The following SMCHD1 variants were observed in gnomAD, a reference collection of about 807,000 sequenced individuals.
SMCHD1 encodes structural maintenance of chromosomes flexible hinge domain containing 1, also known as structural maintenance of chromosomes flexible hinge domain-containing protein 1.
In SMCHD1, 78 loss-of-function variants were observed where a neutral mutation model predicts 254.7. That is an observed-to-expected ratio of 0.31 (90% CI 0.26 to 0.37). The LOEUF is 0.37. SMCHD1 is among the 10% of genes least tolerant of loss of function. The pLI, the probability that SMCHD1 is intolerant of heterozygous loss-of-function variation, is 1.00. For missense variants in SMCHD1, 1,840 were observed against 2,408.1 expected, an observed-to-expected ratio of 0.76 and a Z score of 4.94; for synonymous variants, 766 against 794.9, an observed-to-expected ratio of 0.96 and a Z score of 0.61.
intron 19 of SMCHD1, among the ~76,000 whole-genome samples, chr18:2,721,149 A>G (rs2074917854): frequency 6.6e-6 from 1 of 152,172 alleles, no homozygotes; most frequent in Non-Finnish European, 1.5e-5. Context: ...GGCGTCTGAT[A>G]ACGGTGAATC....
At chr18:2,759,811 C>G (rs767542078) in intron 34 of SMCHD1, among the ~76,000 whole-genome samples, 9 of 152,008 alleles carry the variant, frequency 5.9e-5, no homozygotes, top group Admixed American at 5.9e-4. Context: ...CTCAAGTGAT[C>G]CGCCTGCCTC....
At chr18:2,693,236 T>C (rs374715158) in intron 7 of SMCHD1, among the ~76,000 whole-genome samples, 9 of 152,222 alleles carry the variant, frequency 5.9e-5, no homozygotes, top group African/African-American at 2.2e-4. Context: ...AGTTTTATAA[T>C]GTATATAGCA....
At chr18:2,707,756 T>TA in intron 16 of SMCHD1, 51 bp from the exon 17 acceptor site, 1 of 1,528,226 alleles carries the variant, frequency 6.5e-7, no homozygotes. Context: ...ATTTGGCAGA[T>TA]TCAGCAAATT....
intron 24 of SMCHD1, among the ~76,000 whole-genome samples, 198 bp downstream of exon 24, chr18:2,729,607 T>C (rs1270166630): frequency 6.6e-6 from 1 of 152,204 alleles, no homozygotes; most frequent in Non-Finnish European, 1.5e-5. Context: ...TTAGTAATTG[T>C]CTTGATTTTT....
intron 37 of SMCHD1, among the ~76,000 whole-genome samples, chr18:2,768,232 G>T (rs1331337000): frequency 1.3e-5 from 2 of 151,866 alleles, no homozygotes; most frequent in Non-Finnish European, 2.9e-5. Context: ...TAATGGAAAA[G>T]AAAATATAAA....
At chr18:2,773,280 A>G (rs992144305) in intron 41 of SMCHD1, among the ~76,000 whole-genome samples, 21 of 152,198 alleles carry the variant, frequency 1.4e-4, no homozygotes, top group African/African-American at 4.6e-4. Flanking sequence ...TATTATTCCA[A>G]TTTTTAGAAA....
chr18:2,674,021 G>A lies in SMCHD1; in HGVS notation c.514G>A (p.Asp172Asn). Residue 172 changes from aspartate (D) to asparagine (N), a missense_variant, in exon 5 of 48, where the codon GAT (aspartate) becomes AAT (asparagine). Asp to Asn is a conservative substitution (Grantham distance 23). Transcript: ENST00000320876. ...VRRIQIKLLF[D>N]ETQGKPAVAV... ...AACTTATTTTGTTTCATAGCTTTTT[G>A]ATGAAACACAAGGAAAACCTGCTGT... is the stretch of plus-strand genomic sequence containing the variant. The A allele has an allele frequency of 6.3e-7, 1 of 1,581,264 alleles. No homozygotes were observed. The highest frequency in any genetic ancestry group is 8.6e-7 in the Non-Finnish European group (1 of 1,164,722).
At chr18:2,708,393 G>A (rs916274647) in intron 17 of SMCHD1, among the ~76,000 whole-genome samples, 3 of 152,050 alleles carry the variant, frequency 2.0e-5, no homozygotes, top group African/African-American at 7.2e-5. Context: ...GCTGGGCTTG[G>A]TGGCACGAGC....
At chr18:2,729,514 G>T in intron 24 of SMCHD1, 105 bp downstream of exon 24, 1 of 761,540 alleles carries the variant, frequency 1.3e-6, no homozygotes. Flanking sequence ...CTGAAAATGA[G>T]GTATTTGTGG....
intron 44 of SMCHD1, among the ~76,000 whole-genome samples, chr18:2,780,213 C>T (rs927400832): frequency 4.1e-5 from 5 of 122,072 alleles, no homozygotes; most frequent in African/African-American, 1.3e-4. Flanking sequence ...CACTCCAGTC[C>T]GGGGTGACAG....
Position 2,763,644 on chromosome 18 carries a change from A to G in SMCHD1, c.4574A>G (p.Tyr1525Cys), listed in dbSNP as rs2075822463. The change falls in exon 37 of 48, where the codon TAC becomes TGC. Residue 1525 changes from tyrosine (Y) to cysteine (C), a missense_variant. This residue lies in a region of SMCHD1 where 881 missense variants were observed against 1,009.5 expected (regional missense o/e 0.87). Coordinates refer to ENST00000320876, the MANE Select transcript of SMCHD1 (RefSeq NM_015295.3). Reference sequence around the variant, plus strand: ...TCCATTTTTTGTTTTAAGGATGACTACGACAACCATACTGGAATTGATTTG... The same window carrying G: ...TCCATTTTTTGTTTTAAGGATGACTGCGACAACCATACTGGAATTGATTTG... ...RDLHLSITDD[Y>C]DNHTGIDLVG... 2 of 1,570,624 alleles carry G rather than the reference A, an allele frequency of 1.3e-6. No homozygotes were observed. The highest frequency in any genetic ancestry group is 8.6e-7 in the Non-Finnish European group (1 of 1,164,966).
intron 17 of SMCHD1, among the ~76,000 whole-genome samples, chr18:2,713,369 T>A (rs545144302): frequency 1.3e-5 from 2 of 152,332 alleles, no homozygotes; most frequent in Non-Finnish European, 2.9e-5. Flanking sequence ...ACCCTTTTTT[T>A]AAAGCAAATA....
intron 3 of SMCHD1, 84 bp from the exon 4 acceptor site, chr18:2,673,197 A>G: frequency 6.9e-7 from 1 of 1,445,960 alleles, no homozygotes; most frequent in Non-Finnish European, 9.2e-7. Flanking sequence ...GCTTTAAGGT[A>G]CTTGATAGTT....
intron 7 of SMCHD1, among the ~76,000 whole-genome samples, chr18:2,692,407 C>A (rs549764250): frequency 6.6e-6 from 1 of 152,168 alleles, no homozygotes; most frequent in Non-Finnish European, 1.5e-5. Flanking sequence ...CAAATATTAT[C>A]CGTAAACCTT....
chr18:2,673,952 C>T, intron 4 of SMCHD1, 63 bp from the exon 5 acceptor site: 1 of 1,465,864 alleles, frequency 6.8e-7, no homozygotes, highest in African/African-American at 1.4e-5. Context: ...TCATGTTTAA[C>T]TTTTCATGTT....
intron 45 of SMCHD1, 148 bp from the exon 46 acceptor site, chr18:2,795,801 A>G: frequency 1.8e-6 from 1 of 549,764 alleles, no homozygotes; most frequent in South Asian, 3.0e-5. Context: ...TTTTTATTTC[A>G]TTTGTTTATA....
chr18:2,796,354 A>C, intron 46 of SMCHD1, 53 bp from the exon 47 acceptor site: 1 of 1,154,778 alleles, frequency 8.7e-7, no homozygotes, highest in East Asian at 2.6e-5. Context: ...GCATTTCTCT[A>C]ATTCCATTGT....
At chr18:2,756,810 C>T (rs142194040) in intron 34 of SMCHD1, among the ~76,000 whole-genome samples, 517 of 152,224 alleles carry the variant, frequency 3.4e-3, no homozygotes, top group South Asian at 0.017. Context: ...AATAGGCTGT[C>T]AGACTATTAA....
chr18:2,743,729 C>G (rs950723778), intron 28 of SMCHD1, 32 bp from the exon 29 acceptor site: 35 of 1,535,232 alleles, frequency 2.3e-5, no homozygotes, highest in Non-Finnish European at 2.8e-5. Flanking sequence ...AGTGATACCC[C>G]CTGTCTTTCT....
Sources: gnomAD v4.1 joint callset for allele counts (sites outside exome capture counted in the v4.1 genomes callset) on GRCh38, gnomAD v4.1.1 for gene constraint, gnomAD v4.1.1 regional missense constraint, MANE v1.5 for transcripts, NCBI Gene and HGNC (gene_info 2026-07-23, HGNC 2026-07-21) for gene names.